GUCY1A2: variants seen among roughly 807,000 people sequenced by gnomAD.
GUCY1A2 encodes guanylate cyclase 1 soluble subunit alpha 2, also known as guanylate cyclase soluble subunit alpha-2.
In GUCY1A2, 27 loss-of-function variants were observed where a neutral mutation model predicts 63.5. The observed-to-expected ratio is 0.43, with a 90% CI of 0.31 to 0.59. GUCY1A2 has a LOEUF of 0.59. GUCY1A2 is among the 20% of genes least tolerant of loss of function. GUCY1A2 has a pLI of 0.11. For synonymous variants in GUCY1A2, 364 were observed against 343.5 expected, an observed-to-expected ratio of 1.06 and a Z score of -0.66; for missense variants, 768 against 913.3, an observed-to-expected ratio of 0.84 and a Z score of 2.05.
chr11:106,862,038 T>C (rs1381717973), intron 4 of GUCY1A2, among the ~76,000 whole-genome samples: 1 of 151,952 alleles, frequency 6.6e-6, no homozygotes, highest in Admixed American at 6.6e-5. Flanking sequence ...AAATGCAAAA[T>C]TATGTCGTCA....
chr11:106,999,024 G>A (rs1425225210), intron 1 of GUCY1A2, among the ~76,000 whole-genome samples: 1 of 152,090 alleles, frequency 6.6e-6, no homozygotes. Flanking sequence ...GTCTTGTGGG[G>A]CCAGACACTA....
At chr11:106,768,359 T>C (rs1276502245) in intron 6 of GUCY1A2, among the ~76,000 whole-genome samples, 2 of 152,100 alleles carry the variant, frequency 1.3e-5, no homozygotes, top group Non-Finnish European at 2.9e-5. Flanking sequence ...ACCTTTAAAA[T>C]AGAGAACTTA....
chr11:106,800,259 G>A (rs1864849475), intron 5 of GUCY1A2, among the ~76,000 whole-genome samples: 1 of 152,222 alleles, frequency 6.6e-6, no homozygotes, highest in Admixed American at 6.5e-5. Flanking sequence ...AGAGGATGTG[G>A]AGAAATAGGA....
At chr11:106,972,984 A>G (rs1861215396) in intron 3 of GUCY1A2, among the ~76,000 whole-genome samples, 1 of 152,110 alleles carries the variant, frequency 6.6e-6, no homozygotes, top group Admixed American at 6.6e-5. Context: ...TATAGTGTTT[A>G]TCCTTTACAT....
intron 1 of GUCY1A2, among the ~76,000 whole-genome samples, chr11:107,002,371 T>C (rs2120185080): frequency 6.8e-6 from 1 of 146,986 alleles, no homozygotes; most frequent in Admixed American, 7.0e-5. Context: ...ATATCAGACA[T>C]GGAGAGAATA....
At chr11:106,796,564 G>A (rs1468921147) in intron 5 of GUCY1A2, among the ~76,000 whole-genome samples, 1 of 152,106 alleles carries the variant, frequency 6.6e-6, no homozygotes, top group African/African-American at 2.4e-5. Context: ...GAAATTCTGG[G>A]TTGAAAATTC....
chr11:106,708,863 A>T (rs1055175216), intron 6 of GUCY1A2, among the ~76,000 whole-genome samples, 197 bp from the exon 7 acceptor site: 1 of 151,726 alleles, frequency 6.6e-6, no homozygotes, highest in Non-Finnish European at 1.5e-5. Flanking sequence ...GATAAATGCT[A>T]TTGAATACAC....
Position 106,743,041 on chromosome 11 carries a change from A to G in GUCY1A2, c.1836+33398T>C, listed in dbSNP as rs116762996. Among the ~76,000 whole-genome samples the G allele has an allele frequency of 3.6e-3, 543 of 152,348 alleles. 5 individuals carry two copies. The highest frequency in any genetic ancestry group is 0.013 in the African/African-American group (528 of 41,574). On this transcript the variant is annotated intron_variant, in intron 6 of 7. Coordinates refer to ENST00000526355, the MANE Select transcript of GUCY1A2 (RefSeq NM_000855.3). ...CCACTAAATTGCTACTACCCAAGCT[A>G]TAATCCTAAGAGTAGTCTTTTATTC...
Position 106,804,406 on chromosome 11 carries a change from G to A in GUCY1A2, c.1692+5587C>T, listed in dbSNP as rs116916339. 2.3e-3 allele frequency among the ~76,000 whole-genome samples: 356 copies of A among 152,242 alleles called. 2 individuals carry two copies. The highest frequency in any genetic ancestry group is 0.02 in the Middle Eastern group (6 of 294). ...AGTTACTCTTTACTAAATGGAACTGGCATTTCATGCTGCAAATGACGTAAA... is the reference window on the plus strand; with the variant it reads ...AGTTACTCTTTACTAAATGGAACTGACATTTCATGCTGCAAATGACGTAAA... On this transcript the variant is annotated intron_variant, in intron 5 of 7. Coordinates refer to ENST00000526355, the MANE Select transcript of GUCY1A2 (RefSeq NM_000855.3).
chr11:106,954,503 T>C (rs188255707), intron 3 of GUCY1A2, among the ~76,000 whole-genome samples: 1 of 152,134 alleles, frequency 6.6e-6, no homozygotes, highest in African/African-American at 2.4e-5. Context: ...GGGTAGAGAG[T>C]TCCGTAAATG....
intron 5 of GUCY1A2, among the ~76,000 whole-genome samples, chr11:106,779,178 T>C (rs1864415348): frequency 6.6e-6 from 1 of 152,176 alleles, no homozygotes; most frequent in South Asian, 2.1e-4. Context: ...AGATCTATCA[T>C]TATATTCAAA....
At chr11:106,949,393 ATC>A (rs1383145908) in intron 3 of GUCY1A2, among the ~76,000 whole-genome samples, 1 of 151,908 alleles carries the variant, frequency 6.6e-6, no homozygotes, top group Non-Finnish European at 1.5e-5. Flanking sequence ...ATGCTCAACA[ATC>A]TCTCTCTCAT....
chr11:106,855,893 T>TTTTCTTTC lies in GUCY1A2; in HGVS notation c.1207-45416_1207-45415insGAAAGAAA, dbSNP rs536833371. Among the ~76,000 whole-genome samples, 507 of 94,432 alleles carry TTTTCTTTC rather than the reference T, an allele frequency of 5.4e-3. 8 individuals carry two copies. The highest frequency in any genetic ancestry group is 0.017 in the African/African-American group (489 of 28,780). 62.0% of individuals were successfully genotyped at this position (94,432 alleles called of 152,430 possible). A position where few individuals can be genotyped will look rare whatever the true frequency, so the allele number is the denominator to read the frequency against. On this transcript the variant is annotated intron_variant, in intron 4 of 7. Coordinates refer to ENST00000526355, the MANE Select transcript of GUCY1A2 (RefSeq NM_000855.3). ...GTTTTATCTGTTTGGGTCTCTTGTA[T>TTTTCTTTC]TTTATTTATTTATTTATTTATTTAT...
intron 4 of GUCY1A2, among the ~76,000 whole-genome samples, chr11:106,891,242 T>G (rs550139164): frequency 4.5e-4 from 69 of 152,244 alleles, no homozygotes; most frequent in African/African-American, 1.5e-3. Flanking sequence ...TTTCTATACT[T>G]TTTTGTCCAT....
intron 6 of GUCY1A2, among the ~76,000 whole-genome samples, chr11:106,760,820 G>A (rs537490013): frequency 1.1e-4 from 17 of 152,128 alleles, no homozygotes; most frequent in East Asian, 1.9e-4. Flanking sequence ...AAAAATCCAC[G>A]TCAACTTTGG....
chr11:106,833,247 GT>G (rs1291052500), intron 4 of GUCY1A2, among the ~76,000 whole-genome samples: 1 of 152,004 alleles, frequency 6.6e-6, no homozygotes, highest in African/African-American at 2.4e-5. Flanking sequence ...AAACTTATCT[GT>G]AAAGAAACTT....
At chr11:106,754,562 T>G (rs1008241813) in intron 6 of GUCY1A2, among the ~76,000 whole-genome samples, 5 of 152,236 alleles carry the variant, frequency 3.3e-5, no homozygotes, top group Non-Finnish European at 7.3e-5. Flanking sequence ...GTTTTTAGCA[T>G]GAAGGGCTGT....
At chr11:106,760,249 A>G (rs969974797) in intron 6 of GUCY1A2, among the ~76,000 whole-genome samples, 3 of 152,224 alleles carry the variant, frequency 2.0e-5, no homozygotes, top group Non-Finnish European at 4.4e-5. Flanking sequence ...TGGAAACCTA[A>G]GAATGGATAA....
chr11:106,900,713 A>AT (rs534161867), intron 4 of GUCY1A2, among the ~76,000 whole-genome samples: 2 of 152,098 alleles, frequency 1.3e-5, no homozygotes, highest in African/African-American at 4.8e-5. Context: ...AGTCACATGA[A>AT]TTTTTTTGGT....
Sources: allele counts gnomAD v4.1 joint callset (sites outside exome capture counted in the v4.1 genomes callset), GRCh38; gene constraint gnomAD v4.1.1; transcripts MANE v1.5; gene names NCBI Gene and HGNC (gene_info 2026-07-23, HGNC 2026-07-21).